WNT10A: variants seen among roughly 807,000 people sequenced by gnomAD.
The protein encoded by WNT10A is protein Wnt-10a.
Under a neutral mutation model 36.1 loss-of-function variants are expected in WNT10A, and 37 were observed. That is an observed-to-expected ratio of 1.02 (90% CI 0.79 to 1.35). WNT10A has a LOEUF of 1.35. WNT10A is among the 40% of genes most tolerant of loss of function. The pLI, the probability that WNT10A is intolerant of heterozygous loss-of-function variation, is 0.00. For missense variants in WNT10A, 613 were observed against 601.4 expected (o/e 1.02, Z -0.20); for synonymous variants, 255 against 254.1 (o/e 1.00, Z -0.03).
intron 2 of WNT10A, among the ~76,000 whole-genome samples, chr2:218,883,601 A>G (rs1318685880): frequency 2.3e-5 from 3 of 131,716 alleles, no homozygotes; most frequent in African/African-American, 8.7e-5. Flanking sequence ...CGCTGTTTCT[A>G]CCCGGCCGAG....
rs149189511 is a variant in WNT10A, at chr2:218,884,695, G to T, written c.376+2272G>T. On this transcript the variant is annotated intron_variant, in intron 2 of 3. Coordinates refer to ENST00000258411, the MANE Select transcript of WNT10A (RefSeq NM_025216.3). ...GGCAGTCATTTCCCAGTCCATCTTG[G>T]CCCATCTTCTGGAGGACTAGCTAAA... is the stretch of plus-strand genomic sequence containing the variant. Among the ~76,000 whole-genome samples the T allele has an allele frequency of 8.6e-3, 1,303 of 152,256 alleles. 15 individuals carry two copies. The highest frequency in any genetic ancestry group is 0.016 in the South Asian group (76 of 4,814).
chr2:218,881,153 C>G (rs1156672241), intron 1 of WNT10A, 45 bp downstream of exon 1: 10 of 1,557,332 alleles, frequency 6.4e-6, no homozygotes, highest in Non-Finnish European at 8.7e-6. Flanking sequence ...AGTTGGGACC[C>G]CGGCCTGCAG....
At position 218,892,806 on chromosome 2, in the gene WNT10A, G is replaced by C. The variant is rs991095247; in HGVS notation, c.789G>C (p.Lys263Asn). The change falls in exon 4 of 4, where the codon AAG becomes AAC. Residue 263 changes from lysine to asparagine, a missense_variant. By Grantham distance (94) the Lys-to-Asn change is moderately conservative. Transcript: ENST00000258411. ...TGGAGAACATGCGGCGGAAGTGCAA[G>C]TGCCACGGCACGTCAGGCAGCTGCC... ...AVMENMRRKCKCHGTSGSCQL... is the reference protein window; with the variant it reads ...AVMENMRRKCNCHGTSGSCQL... The C allele has an allele frequency of 2.3e-5, 36 of 1,597,098 alleles. No individual in the cohort carries two copies. Among genetic ancestry groups the C allele is most frequent in the Admixed American group, 3.4e-5 (2 of 58,542 alleles).
intron 2 of WNT10A, among the ~76,000 whole-genome samples, chr2:218,888,820 C>T (rs1365558070): frequency 6.6e-6 from 1 of 152,272 alleles, no homozygotes; most frequent in Non-Finnish European, 1.5e-5. Context: ...ACTTACTCTG[C>T]TGCCCACTGA....
Position 218,881,359 on chromosome 2 carries a change from T to G in WNT10A, c.113+251T>G, listed in dbSNP as rs565495937. Among the ~76,000 whole-genome samples the G allele has an allele frequency of 2.0e-3, 307 of 150,694 alleles. 3 individuals carry two copies. The highest frequency in any genetic ancestry group is 6.9e-3 in the Middle Eastern group (2 of 290). On this transcript the variant is annotated intron_variant, in intron 1 of 3. Transcript: ENST00000258411. ...TGGCAACTAGGAGGGGAGGTGTGTG[T>G]GGGGGGGGAGCAAGTGCCAGTCTGG... is the stretch of plus-strand genomic sequence containing the variant.
upstream of WNT10A, chr2:218,880,692 C>G: frequency 3.0e-6 from 1 of 338,568 alleles, no homozygotes; most frequent in South Asian, 4.5e-5. The surrounding 1 kb of genome is among the most constrained non-coding windows in gnomAD (Gnocchi z 7.7). Context: ...TCCGGGCCCC[C>G]CTTACCCTTG....
chr2:218,891,604 C>A (rs942175897), intron 3 of WNT10A, among the ~76,000 whole-genome samples: 1 of 152,184 alleles, frequency 6.6e-6, no homozygotes, highest in African/African-American at 2.4e-5. Context: ...CCAGCCCATA[C>A]CAACGGTGCC....
At chr2:218,875,403 G>A in the WNT10A span, among the ~76,000 whole-genome samples, 1 of 151,676 alleles carries the variant, frequency 6.6e-6, no homozygotes, top group Non-Finnish European at 1.5e-5. Context: ...TGTTAGCCAA[G>A]ACGGTCTTGA....
chr2:218,892,528 G>A (rs1944665257), intron 3 of WNT10A, among the ~76,000 whole-genome samples: 2 of 151,608 alleles, frequency 1.3e-5, no homozygotes, highest in South Asian at 4.1e-4. Flanking sequence ...CAGGAGAGGA[G>A]GGGAGCCGGC....
At chr2:218,879,703 T>A (rs1312532985), upstream of WNT10A, among the ~76,000 whole-genome samples, 1 of 152,134 alleles carries the variant, frequency 6.6e-6, no homozygotes, top group African/African-American at 2.4e-5. Context: ...CAGGCAACAC[T>A]CAGTGTTGGG....
intron 1 of WNT10A, among the ~76,000 whole-genome samples, 199 bp downstream of exon 1, chr2:218,881,307 G>A (rs538896382): frequency 6.6e-6 from 1 of 152,200 alleles, no homozygotes; most frequent in East Asian, 1.9e-4. Flanking sequence ...GCAGTCCAGG[G>A]AGACAAGGCA....
At position 218,890,079 on chromosome 2, in the gene WNT10A, G is replaced by A; in HGVS notation, c.472G>A (p.Gly158Ser). The change falls in exon 3 of 4, where the codon GGC becomes AGC. Residue 158 changes from glycine (G) to serine (S), a missense_variant. Physicochemically the swap from Gly to Ser is moderately conservative, Grantham distance 56. Transcript: ENST00000258411. Reference sequence around the variant, plus strand: ...TGCCCTGGGCAAACTGAAGGCCTGTGGCTGTGATGCGTCCCGGCGAGGGGA... The same window carrying A: ...TGCCCTGGGCAAACTGAAGGCCTGTAGCTGTGATGCGTCCCGGCGAGGGGA... ...ACALGKLKAC[G>S]CDASRRGDEE... 4.3e-6 allele frequency: 7 copies of A among 1,614,182 alleles called. No individual in the cohort carries two copies. Among genetic ancestry groups the A allele is most frequent in the Non-Finnish European group, 5.9e-6 (7 of 1,180,046 alleles).
rs761730775 is a variant in WNT10A at position 218,882,197 on chromosome 2, C to T, written c.150C>T (p.Pro50=). Residue 50 remains proline (P), a synonymous_variant, in exon 2 of 4, where the codon CCC becomes CCT. Transcript: ENST00000258411. ...APNDILDLRL[P]PEPVLNANTV... ...ATGACATTCTGGACCTCCGCCTCCCCCCGGAGCCCGTGCTCAATGCCAACA... is the reference window on the plus strand; with the variant it reads ...ATGACATTCTGGACCTCCGCCTCCCTCCGGAGCCCGTGCTCAATGCCAACA... 6.8e-6 allele frequency: 11 copies of T among 1,614,140 alleles called. No individual in the cohort carries two copies. The South Asian group carries it at 1.2e-4, about 18-fold the overall frequency.
rs144212422 is a variant in WNT10A at position 218,882,396 on chromosome 2, C to T, written c.349C>T (p.Pro117Ser). ...CSSLETRNKI[P>S]YESPIFSRGF... ...AAGCCTGGAGACTCGCAACAAGATC[C>T]CCTATGAGAGTCCCATCTTCAGCAG... The change falls in exon 2 of 4, where the codon CCC (proline) becomes TCC (serine). Residue 117 changes from proline to serine, a missense_variant. Transcript: ENST00000258411. The T allele has an allele frequency of 6.8e-6, 11 of 1,614,044 alleles. No individual in the cohort carries two copies. The African/African-American group carries it at 1.3e-4, about 20-fold the overall frequency.
chr2:218,881,652 A>G (rs1222346912), intron 1 of WNT10A, among the ~76,000 whole-genome samples: 1 of 152,078 alleles, frequency 6.6e-6, no homozygotes, highest in East Asian at 1.9e-4. Flanking sequence ...GTGAGAGCTC[A>G]TGGGTCAATG....
At chr2:218,889,461 A>T (rs1944619478) in intron 2 of WNT10A, among the ~76,000 whole-genome samples, 1 of 152,236 alleles carries the variant, frequency 6.6e-6, no homozygotes, top group African/African-American at 2.4e-5. Flanking sequence ...TACTGGATCA[A>T]ATGGTAGTTC....
intron 1 of WNT10A, among the ~76,000 whole-genome samples, chr2:218,881,562 G>A (rs911718612): frequency 3.3e-5 from 5 of 152,022 alleles, no homozygotes; most frequent in Non-Finnish European, 5.9e-5. Context: ...GTGTGTGTGT[G>A]TGTGTGTTTT....
chr2:218,875,488 C>T, the WNT10A span, among the ~76,000 whole-genome samples: 1 of 152,130 alleles, frequency 6.6e-6, no homozygotes, highest in African/African-American at 2.4e-5. Flanking sequence ...CCGCGCCCGG[C>T]CAAAACTGAC....
chr2:218,891,913 T>A (rs761590051), intron 3 of WNT10A, among the ~76,000 whole-genome samples: 4 of 152,030 alleles, frequency 2.6e-5, no homozygotes, highest in Admixed American at 1.3e-4. Flanking sequence ...GGGTTTCTGG[T>A]GAAAATGTCA....
Sources: allele counts gnomAD v4.1 joint callset (sites outside exome capture counted in the v4.1 genomes callset), GRCh38; gene constraint gnomAD v4.1.1; non-coding constraint Gnocchi (gnomAD v3.1); transcripts MANE v1.5; gene names NCBI Gene and HGNC (gene_info 2026-07-23, HGNC 2026-07-21).